ARHGEF25: variants seen among roughly 807,000 people sequenced by gnomAD.
The protein encoded by ARHGEF25 is RAC/CDC42 exchange factor.
A neutral mutation model predicts 74.0 loss-of-function variants in ARHGEF25; 42 were observed. The ratio of observed to expected loss-of-function variants is 0.57; its 90% CI spans 0.44 to 0.73. ARHGEF25 has a LOEUF of 0.73. Ranked by LOEUF, ARHGEF25 falls within the 30% of genes least tolerant of loss-of-function variation. The pLI is 0.00. For synonymous variants in ARHGEF25, 293 were observed against 278.6 expected (o/e 1.05, Z -0.51); for missense variants, 645 against 725.5 (o/e 0.89, Z 1.27).
intron 1 of ARHGEF25, chr12:57,612,431 TC>T (rs1884093291): frequency 6.2e-6 from 1 of 161,932 alleles, no homozygotes; most frequent in Admixed American, 6.1e-5. Flanking sequence ...ACTGGCCTCC[TC>T]TATTGGGTCT....
In ARHGEF25 at chr12:57,614,462, A is replaced by T. The variant is rs373746035; in HGVS notation, c.727-54A>T. 40 of 1,613,830 alleles carry T rather than the reference A, an allele frequency of 2.5e-5. No individual in the cohort carries two copies. In the East Asian group the frequency reaches 6.7e-4, roughly 27 times the overall value. Reference sequence around the variant, plus strand: ...AGGAATGGGCTGGGATTCTCTGGAGATGCGTCCTCCCTCCTTGCCCACCCT... The same window carrying T: ...AGGAATGGGCTGGGATTCTCTGGAGTTGCGTCCTCCCTCCTTGCCCACCCT... On this transcript the variant is annotated intron_variant, in intron 7 of 14. Coordinates refer to ENST00000286494, the MANE Select transcript of ARHGEF25 (RefSeq NM_182947.4). This position sits in a 1 kb window ranked among gnomAD's most constrained non-coding sequence, Gnocchi z 4.6.
Position 57,616,964 on chromosome 12 carries a change from T to G in ARHGEF25, c.*70T>G. On this transcript the variant is annotated 3_prime_UTR_variant, in exon 15 of 15. Coordinates refer to ENST00000286494, the MANE Select transcript of ARHGEF25 (RefSeq NM_182947.4). ...CCAAGGAGCTTCAGGGCAGTCCTTCTGGCACTGCTCCAGAATTCCTCCTTC... is the reference window on the plus strand; with the variant it reads ...CCAAGGAGCTTCAGGGCAGTCCTTCGGGCACTGCTCCAGAATTCCTCCTTC... 1.7e-6 allele frequency: 2 copies of G among 1,198,248 alleles called. No individual in the cohort carries two copies. Among genetic ancestry groups the G allele is most frequent in the Middle Eastern group, 3.9e-4 (2 of 5,188 alleles). 74.2% of individuals were successfully genotyped at this position (1,198,248 alleles called of 1,614,324 possible).
chr12:57,612,589 G>A (rs1884099332), intron 1 of ARHGEF25: 3 of 546,862 alleles, frequency 5.5e-6, no homozygotes, highest in Non-Finnish European at 7.8e-6. Flanking sequence ...TTGAAAGAGG[G>A]AGGGTTGTAG....
chr12:57,613,170 T>C, intron 2 of ARHGEF25, 26 bp downstream of exon 2: 1 of 1,611,260 alleles, frequency 6.2e-7, no homozygotes, highest in Non-Finnish European at 8.5e-7. Context: ...CACCAAAGCA[T>C]GTGGGACATC....
Position 57,614,925 on chromosome 12 carries a change from T to A in ARHGEF25, c.910-42T>A. Reference sequence around the variant, plus strand: ...GGGAGGATGTGAGAGCTTCTAAGGGTGTCCTCGTGACCTCCCTGAGCATTT... The same window carrying A: ...GGGAGGATGTGAGAGCTTCTAAGGGAGTCCTCGTGACCTCCCTGAGCATTT... On this transcript the variant is annotated intron_variant, in intron 9 of 14. Transcript: ENST00000286494. The surrounding 1 kb of genome is among the most constrained non-coding windows in gnomAD (Gnocchi z 4.6). 1.2e-6 allele frequency: 2 copies of A among 1,606,862 alleles called. No individual in the cohort carries two copies. Among genetic ancestry groups the A allele is most frequent in the Non-Finnish European group, 1.7e-6 (2 of 1,174,178 alleles).
chr12:57,612,989 G>C lies in ARHGEF25; in HGVS notation c.157G>C (p.Ala53Pro), dbSNP rs2068101339. 1 of 1,614,048 alleles carries C rather than the reference G, an allele frequency of 6.2e-7. No individual in the cohort carries two copies. The highest frequency in any genetic ancestry group is 1.7e-5 in the Admixed American group (1 of 60,006). ...ATCGGCTTCTGCTGCCTCCGGTCTG[G>C]CTGCCCCCTCTGGCCCCAGCTCTGG... ...SISASAASGLAAPSGPSSGLS... is the reference protein window; with the variant it reads ...SISASAASGLPAPSGPSSGLS... The change falls in exon 2 of 15, where the codon GCT becomes CCT. Residue 53 changes from alanine to proline, a missense_variant. Around this residue, in one of 3 missense-constraint regions of ARHGEF25, gnomAD observed 189 missense variants for 199.1 expected, o/e 0.95. Coordinates refer to ENST00000286494, the MANE Select transcript of ARHGEF25 (RefSeq NM_182947.4).
chr12:57,611,422 G>T, upstream of ARHGEF25: 1 of 985,308 alleles, frequency 1.0e-6, no homozygotes, highest in Non-Finnish European at 1.2e-6. The surrounding 1 kb of genome is among the most constrained non-coding windows in gnomAD (Gnocchi z 4.5). Flanking sequence ...GCGGCCCCGC[G>T]GCCAGGCCTG....
rs1884067727 is a variant in ARHGEF25, at chr12:57,611,898, C to CA, written c.4_5insA (p.Arg2GlnfsTer32). On this transcript the variant is annotated frameshift_variant, in exon 1 of 15. Transcript: ENST00000286494. LOFTEE classifies it high-confidence loss of function. This position sits in a 1 kb window ranked among gnomAD's most constrained non-coding sequence, Gnocchi z 4.5. ...GGCGCGGGGGGGCCCGGGCGCCATG[C>CA]GGGGGGGGCACAAAGGGGGTCGCTG... 9 of 1,235,256 alleles carry CA rather than the reference C, an allele frequency of 7.3e-6. No homozygotes were observed. The highest frequency in any genetic ancestry group is 3.6e-5 in the South Asian group (1 of 27,882). 76.5% of individuals were successfully genotyped at this position (1,235,256 alleles called of 1,614,324 possible).
At position 57,616,330 on chromosome 12, in the gene ARHGEF25, C is replaced by T; in HGVS notation, c.1467C>T (p.Asn489=). ...IEYQRRESQT[N]SLGRPRGPGV... is the part of the protein sequence containing the mutation. ...ACCAGAGACGGGAGAGCCAGACCAA[C>T]AGCCTGGGGCGGCCAAGAGGGCCTG... Residue 489 remains asparagine (N), a synonymous_variant, in exon 14 of 15, where the codon AAC becomes AAT. Transcript: ENST00000286494. 6 of 1,613,830 alleles carry T rather than the reference C, an allele frequency of 3.7e-6. No homozygotes were observed. The highest frequency in any genetic ancestry group is 4.2e-6 in the Non-Finnish European group (5 of 1,179,974).
At chr12:57,611,173 G>A (rs938750438), upstream of ARHGEF25, among the ~76,000 whole-genome samples, 1 of 152,236 alleles carries the variant, frequency 6.6e-6, no homozygotes, top group African/African-American at 2.4e-5. The surrounding 1 kb of genome is among the most constrained non-coding windows in gnomAD (Gnocchi z 4.5). Context: ...GGGAGACCTG[G>A]GCAGACCCTG....
At chr12:57,610,294 C>A (rs1260253602), upstream of ARHGEF25, 1 of 1,561,418 alleles carries the variant, frequency 6.4e-7, no homozygotes, top group East Asian at 2.3e-5. Flanking sequence ...TGCGCGCATG[C>A]GCCCTCCCTG....
chr12:57,610,683 C>G (rs761935620), upstream of ARHGEF25: 12 of 1,606,822 alleles, frequency 7.5e-6, 1 homozygote, highest in Admixed American at 3.4e-5. Flanking sequence ...CTCTGCAGCC[C>G]GGTAAGAAGC....
In ARHGEF25 at chr12:57,614,682, T is replaced by C; in HGVS notation, c.817-7T>C. 6.2e-7 allele frequency: 1 copy of C among 1,613,550 alleles called. No individual in the cohort carries two copies. Among genetic ancestry groups the C allele is most frequent in the East Asian group, 2.2e-5 (1 of 44,878 alleles). On this transcript the variant is annotated splice_polypyrimidine_tract_variant and splice_region_variant and intron_variant, in intron 8 of 14. Coordinates refer to ENST00000286494, the MANE Select transcript of ARHGEF25 (RefSeq NM_182947.4). This position sits in a 1 kb window ranked among gnomAD's most constrained non-coding sequence, Gnocchi z 4.6. ...AGGCTGCATAACCACCCTGTCCCTGTCCCCAGGAGCTCCGGCAGCAGCTGG... is the reference window on the plus strand; with the variant it reads ...AGGCTGCATAACCACCCTGTCCCTGCCCCCAGGAGCTCCGGCAGCAGCTGG...
In ARHGEF25 at chr12:57,614,455, T is replaced by C; in HGVS notation, c.726+55T>C. 1.2e-6 allele frequency: 2 copies of C among 1,613,966 alleles called. No homozygotes were observed. The highest frequency in any genetic ancestry group is 1.1e-5 in the South Asian group (1 of 91,076). On this transcript the variant is annotated intron_variant, in intron 7 of 14. Coordinates refer to ENST00000286494, the MANE Select transcript of ARHGEF25 (RefSeq NM_182947.4). The surrounding 1 kb of genome is among the most constrained non-coding windows in gnomAD (Gnocchi z 4.6). Reference sequence around the variant, plus strand: ...GGGGCTTAGGAATGGGCTGGGATTCTCTGGAGATGCGTCCTCCCTCCTTGC... The same window carrying C: ...GGGGCTTAGGAATGGGCTGGGATTCCCTGGAGATGCGTCCTCCCTCCTTGC...
chr12:57,610,210 G>A, upstream of ARHGEF25: 3 of 1,579,274 alleles, frequency 1.9e-6, no homozygotes, highest in Non-Finnish European at 1.7e-6. Flanking sequence ...CAGGGTGGGG[G>A]TTCAGTATGA....
rs901242074 is a variant in ARHGEF25, at chr12:57,615,562, C to T, written c.1089C>T (p.Val363=). 6 of 1,614,078 alleles carry T rather than the reference C, an allele frequency of 3.7e-6. No homozygotes were observed. Among genetic ancestry groups the T allele is most frequent in the Non-Finnish European group, 5.1e-6 (6 of 1,180,058 alleles). Residue 363 remains valine (V), a synonymous_variant, in exon 12 of 15, where the codon GTC becomes GTT. Transcript: ENST00000286494. ...GKLLGQDTFW[V]TEPEAGGLLS... ...TCTTGGGCCAGGACACTTTCTGGGT[C>T]ACCGAGCCTGAGGCTGGAGGGCTGC... is the stretch of plus-strand genomic sequence containing the variant.
In ARHGEF25 at chr12:57,614,844, C is replaced by G. The variant is rs934423311; in HGVS notation, c.909+63C>G. 6.4e-7 allele frequency: 1 copy of G among 1,574,716 alleles called. No individual in the cohort carries two copies. Among genetic ancestry groups the G allele is most frequent in the Non-Finnish European group, 8.6e-7 (1 of 1,157,558 alleles). On this transcript the variant is annotated intron_variant, in intron 9 of 14. Coordinates refer to ENST00000286494, the MANE Select transcript of ARHGEF25 (RefSeq NM_182947.4). This position sits in a 1 kb window ranked among gnomAD's most constrained non-coding sequence, Gnocchi z 4.6. The stretch of plus-strand genomic sequence containing the variant: ...GCACAGCTGTTTCCTCATTCATCTC[C>G]CCAGGGTTCTTAGGGCTCCCCCAGA...
At chr12:57,612,620 A>G in intron 1 of ARHGEF25, 1 of 935,900 alleles carries the variant, frequency 1.1e-6, no homozygotes, top group Non-Finnish European at 1.4e-6. Context: ...GGCCACCCCC[A>G]GCTTCCAATG....
At chr12:57,612,303 G>A (rs1017650100) in intron 1 of ARHGEF25, 2 of 179,304 alleles carry the variant, frequency 1.1e-5, no homozygotes, top group African/African-American at 4.7e-5. Context: ...ATCTACTTCT[G>A]AAGAGGGACA....
Sources: allele counts gnomAD v4.1 joint callset (sites outside exome capture counted in the v4.1 genomes callset), GRCh38; gene constraint gnomAD v4.1.1; regional missense constraint gnomAD v4.1.1; non-coding constraint Gnocchi (gnomAD v3.1); transcripts MANE v1.5; gene names NCBI Gene and HGNC (gene_info 2026-07-23, HGNC 2026-07-21).